Variants in RERE observed in about 807,000 individuals in gnomAD.
RERE encodes the protein arginine-glutamic acid dipeptide repeats.
A neutral mutation model predicts 146.1 loss-of-function variants in RERE; 40 were observed. The observed-to-expected ratio is 0.27, with a 90% CI of 0.21 to 0.36. The LOEUF is 0.36. RERE is among the 10% of genes least tolerant of loss of function. The probability of loss-of-function intolerance (pLI) is 1.00; values close to 1 mark genes in which losing one functional copy is unlikely to be tolerated. For synonymous variants in RERE, 1,003 were observed against 866.0 expected, an observed-to-expected ratio of 1.16 and a Z score of -2.78; for missense variants, 1,933 against 2,138.7, an observed-to-expected ratio of 0.90 and a Z score of 1.90.
At chr1:8,774,951 C>CTTTTTTTTTTT (rs869173167) in intron 1 of RERE, among the ~76,000 whole-genome samples, 124 of 47,924 alleles carry the variant, frequency 2.6e-3, no homozygotes, top group Middle Eastern at 0.011. Context: ...TTCTTTCTTT[C>CTTTTTTTTTTT]TTTTTTTTTT....
chr1:8,370,468 T>G (rs951882662), intron 12 of RERE, among the ~76,000 whole-genome samples: 1 of 152,186 alleles, frequency 6.6e-6, no homozygotes, highest in African/African-American at 2.4e-5. Context: ...TTAAAGTGGG[T>G]GCATTTTTAC....
At chr1:8,618,826 T>C (rs1646885907) in intron 3 of RERE, among the ~76,000 whole-genome samples, 1 of 152,220 alleles carries the variant, frequency 6.6e-6, no homozygotes, top group Non-Finnish European at 1.5e-5. Context: ...TTCTTGTTAC[T>C]TTTAATCCAT....
At chr1:8,582,336 A>G (rs553322892) in intron 4 of RERE, among the ~76,000 whole-genome samples, 1 of 150,678 alleles carries the variant, frequency 6.6e-6, no homozygotes, top group East Asian at 1.9e-4. Flanking sequence ...CCTCCCAAGT[A>G]TTAATGACTG....
intron 2 of RERE, among the ~76,000 whole-genome samples, chr1:8,633,949 A>T (rs1177481155): frequency 6.6e-6 from 1 of 152,034 alleles, no homozygotes; most frequent in Non-Finnish European, 1.5e-5. Flanking sequence ...GAGGAAGAGA[A>T]ATGAACTTAT....
Position 8,356,295 on chromosome 1 carries a change from T to C in RERE, c.4340-49A>G. 1 of 1,464,724 alleles carries C rather than the reference T, an allele frequency of 6.8e-7. No individual in the cohort carries two copies. Among genetic ancestry groups the C allele is most frequent in the Non-Finnish European group, 9.0e-7 (1 of 1,116,752 alleles). 90.7% of individuals were successfully genotyped at this position (1,464,724 alleles called of 1,614,324 possible). A position where few individuals can be genotyped will look rare whatever the true frequency, so the allele number is the denominator to read the frequency against. On this transcript the variant is annotated intron_variant, in intron 20 of 22. Coordinates refer to ENST00000400908, the MANE Select transcript of RERE (RefSeq NM_001042681.2). The surrounding 1 kb of genome is among the most constrained non-coding windows in gnomAD (Gnocchi z 5.2). ...ATGGAGGCGGTGTGCAGCTCTTCAA[T>C]GTTTGTCCCCCTTGGCTGGAATGAC...
chr1:8,478,943 G>A (rs952812403), intron 10 of RERE, among the ~76,000 whole-genome samples: 6 of 152,128 alleles, frequency 3.9e-5, no homozygotes, highest in Non-Finnish European at 8.8e-5. Flanking sequence ...TGACAATTTT[G>A]TTATCTAAAT....
chr1:8,447,001 T>C (rs1211054081), intron 11 of RERE, among the ~76,000 whole-genome samples: 6 of 151,876 alleles, frequency 4.0e-5, no homozygotes, highest in African/African-American at 1.5e-4. Flanking sequence ...TTCGTTCTTT[T>C]TTCTCTAATC....
At chr1:8,454,742 T>C (rs781660389) in intron 11 of RERE, among the ~76,000 whole-genome samples, 3 of 151,548 alleles carry the variant, frequency 2.0e-5, no homozygotes, top group African/African-American at 7.3e-5. Flanking sequence ...GAGGTGGAGG[T>C]TGCAGTGAGC....
chr1:8,649,591 G>A (rs1315464591), intron 2 of RERE, among the ~76,000 whole-genome samples: 1 of 151,912 alleles, frequency 6.6e-6, no homozygotes, highest in Non-Finnish European at 1.5e-5. Context: ...TTAGCCGGGC[G>A]TGGTGTCACA....
chr1:8,468,454 C>T (rs1045947646), intron 10 of RERE, among the ~76,000 whole-genome samples: 8 of 152,020 alleles, frequency 5.3e-5, no homozygotes, highest in Non-Finnish European at 4.4e-5. Flanking sequence ...AATTACATGC[C>T]TATTTAATGC....
chr1:8,775,459 C>G (rs1350131330), intron 1 of RERE, among the ~76,000 whole-genome samples: 1 of 152,138 alleles, frequency 6.6e-6, no homozygotes, highest in Non-Finnish European at 1.5e-5. Context: ...TGGCACGCAC[C>G]TGTAGTCCCA....
At chr1:8,716,865 G>A (rs17032752) in intron 1 of RERE, among the ~76,000 whole-genome samples, 7,069 of 152,044 alleles carry the variant, frequency 0.046, 535 homozygotes, top group African/African-American at 0.16. Flanking sequence ...TTTTTAAGAC[G>A]TAGGCATCGG....
chr1:8,622,452 C>T (rs900571383), intron 3 of RERE, among the ~76,000 whole-genome samples: 2 of 129,540 alleles, frequency 1.5e-5, no homozygotes, highest in African/African-American at 5.7e-5. Context: ...AATAAGGCTA[C>T]ACCCGTATTT....
chr1:8,638,803 T>G (rs1463446980), intron 2 of RERE, among the ~76,000 whole-genome samples: 2 of 148,008 alleles, frequency 1.4e-5, no homozygotes. Flanking sequence ...TTTTTTTTTT[T>G]TTTTTGAGAT....
chr1:8,750,539 G>A, intron 1 of RERE: 1 of 1,018,056 alleles, frequency 9.8e-7, no homozygotes, highest in Non-Finnish European at 1.5e-6. Flanking sequence ...AAAGAAGTCT[G>A]CCCAAAACAT....
intron 8 of RERE, among the ~76,000 whole-genome samples, chr1:8,506,349 T>C (rs1190594243): frequency 6.6e-6 from 1 of 152,202 alleles, no homozygotes; most frequent in African/African-American, 2.4e-5. Context: ...TAACCCCAGG[T>C]CTGGGATGAG....
intron 1 of RERE, among the ~76,000 whole-genome samples, chr1:8,782,733 C>T (rs1569786616): frequency 7.1e-6 from 1 of 141,738 alleles, no homozygotes; most frequent in East Asian, 2.0e-4. Flanking sequence ...TGGTGAAATC[C>T]TGTCTCTACT....
rs894533106 is a variant in RERE at position 8,360,331 on chromosome 1, G to A, written c.3176C>T (p.Pro1059Leu). ...PPTCPSTSTP[P>L]AGPGTSAQPP... is the part of the protein sequence containing the mutation. ...CTGGGCCGAGGTGCCAGGTCCCGCCGGTGGGGTAGAGGTGGAGGGGCAGGT... is the reference window on the plus strand; with the variant it reads ...CTGGGCCGAGGTGCCAGGTCCCGCCAGTGGGGTAGAGGTGGAGGGGCAGGT... The change falls in exon 18 of 23, where the codon CCG becomes CTG. Residue 1059 changes from proline to leucine, a missense_variant. Physicochemically the swap from Pro to Leu is moderately conservative, Grantham distance 98. Transcript: ENST00000400908. 15 of 1,523,144 alleles carry A rather than the reference G, an allele frequency of 9.8e-6. No homozygotes were observed. Among genetic ancestry groups the A allele is most frequent in the African/African-American group, 5.6e-5 (4 of 71,984 alleles). The allele number at this position is 1,523,144 out of a possible 1,614,324, so 94.4% of individuals were successfully genotyped here.
intron 1 of RERE, among the ~76,000 whole-genome samples, chr1:8,799,075 C>T (rs893523990): frequency 6.6e-6 from 1 of 151,980 alleles, no homozygotes; most frequent in African/African-American, 2.4e-5. Flanking sequence ...CTCACTGCAA[C>T]CTCTGCCTCC....
Sources: gnomAD v4.1 joint callset for allele counts (sites outside exome capture counted in the v4.1 genomes callset) on GRCh38, gnomAD v4.1.1 for gene constraint, Gnocchi (gnomAD v3.1) non-coding constraint, MANE v1.5 for transcripts, NCBI Gene and HGNC (gene_info 2026-07-23, HGNC 2026-07-21) for gene names.